KCNN1: variants seen among roughly 807,000 people sequenced by gnomAD.
The protein encoded by KCNN1 is potassium calcium-activated channel subfamily N member 1, also known as small conductance calcium-activated potassium channel protein 1.
Under a neutral mutation model 44.7 loss-of-function variants are expected in KCNN1, and 20 were observed. The ratio of observed to expected loss-of-function variants is 0.45; its 90% CI spans 0.32 to 0.65. The LOEUF (loss-of-function observed/expected upper bound fraction) is 0.65. Ranked by LOEUF, KCNN1 falls within the 30% of genes least tolerant of loss-of-function variation. KCNN1 has a pLI of 0.05. For synonymous variants in KCNN1, 324 were observed against 341.7 expected (o/e 0.95, Z 0.57); for missense variants, 632 against 785.3 (o/e 0.80, Z 2.33).
chr19:17,989,069 A>C (rs527319233), intron 6 of KCNN1, among the ~76,000 whole-genome samples: 4 of 152,134 alleles, frequency 2.6e-5, no homozygotes, highest in Admixed American at 6.6e-5. Flanking sequence ...GCAATTTGAG[A>C]GCTGCCTGAC....
chr19:17,974,240 A>G lies in KCNN1; in HGVS notation c.352A>G (p.Ile118Val). The part of the protein sequence containing the change: ...DYALIFGMFG[I>V]VVMVTETELS... ...TGCCCTCATTTTCGGCATGTTTGGC[A>G]TCGTCGTCATGGTGACGGAGACCGA... Residue 118 changes from isoleucine to valine, a missense_variant, in exon 2 of 10, where the codon ATC (isoleucine) becomes GTC (valine). Physicochemically the swap from Ile to Val is conservative, Grantham distance 29 (BLOSUM62 3). Transcript: ENST00000684775. The surrounding 1 kb of genome is among the most constrained non-coding windows in gnomAD (Gnocchi z 7.3). 2 of 1,608,758 alleles carry G rather than the reference A, an allele frequency of 1.2e-6. No homozygotes were observed. Among genetic ancestry groups the G allele is most frequent in the Non-Finnish European group, 1.7e-6 (2 of 1,176,546 alleles).
intron 2 of KCNN1, among the ~76,000 whole-genome samples, chr19:17,956,651 T>A (rs1414178942): frequency 6.6e-6 from 1 of 151,260 alleles, no homozygotes; most frequent in Non-Finnish European, 1.5e-5. Flanking sequence ...GAGGCTGAGA[T>A]GGGGGGATCA....
At chr19:17,975,328 C>T (rs1387831166) in intron 3 of KCNN1, 141 bp downstream of exon 3, 6 of 599,540 alleles carry the variant, frequency 1.0e-5, no homozygotes, top group African/African-American at 7.4e-5. Context: ...TCCATAAAGA[C>T]ACACAGTTTC....
Position 17,983,804 on chromosome 19 carries a change from C to A in KCNN1, c.918-1508C>A, listed in dbSNP as rs1004726374. 2.0e-5 allele frequency among the ~76,000 whole-genome samples: 3 copies of A among 152,030 alleles called. No homozygotes were observed. The highest frequency in any genetic ancestry group is 7.2e-5 in the African/African-American group (3 of 41,418). ...CCACCCACCGACTAGAGGGCACCCC[C>A]CCGCCCCTCCTGCCCTCTGGGGGTC... On this transcript the variant is annotated intron_variant, in intron 4 of 9. Transcript: ENST00000684775. The surrounding 1 kb of genome is among the most constrained non-coding windows in gnomAD (Gnocchi z 4.5).
Position 17,993,610 on chromosome 19 carries a change from G to A in KCNN1, c.1377+51G>A. The A allele has an allele frequency of 1.4e-6, 2 of 1,468,556 alleles. No homozygotes were observed. Among genetic ancestry groups the A allele is most frequent in the Non-Finnish European group, 1.9e-6 (2 of 1,048,426 alleles). The allele number at this position is 1,468,556 out of a possible 1,614,324, so 91.0% of individuals were successfully genotyped here. A position where few individuals can be genotyped will look rare whatever the true frequency, so the allele number is the denominator to read the frequency against. On this transcript the variant is annotated intron_variant, in intron 9 of 9. Transcript: ENST00000684775. The surrounding 1 kb of genome is among the most constrained non-coding windows in gnomAD (Gnocchi z 4.5). ...CAGACAGGGCAGGTGGGGCCCCGGA[G>A]CAGATGGGATGGGGCTCAGCTCCTG... is the stretch of plus-strand genomic sequence containing the variant.
intron 4 of KCNN1, 60 bp downstream of exon 4, chr19:17,982,187 T>A: frequency 8.0e-7 from 1 of 1,253,332 alleles, no homozygotes; most frequent in Non-Finnish European, 1.0e-6. Context: ...TGGACCTCCA[T>A]GCCCATTCAT....
rs752109698 is a variant in KCNN1 at position 17,985,465 on chromosome 19, G to C, written c.1059+12G>C. On this transcript the variant is annotated intron_variant, in intron 5 of 9. Transcript: ENST00000684775. Reference sequence around the variant, plus strand: ...TCACTGGCATCATGGTAAGGGTGAGGGTCCATGTGTATGATCCTGGGAGGT... The same window carrying C: ...TCACTGGCATCATGGTAAGGGTGAGCGTCCATGTGTATGATCCTGGGAGGT... 84 of 1,563,870 alleles carry C rather than the reference G, an allele frequency of 5.4e-5. No individual in the cohort carries two copies. The South Asian group carries it at 9.6e-4, about 18-fold the overall frequency.
chr19:17,963,000 CTTTTTTTTTTTT>C (rs71164332), upstream of KCNN1, among the ~76,000 whole-genome samples: 1 of 81,650 alleles, frequency 1.2e-5, no homozygotes, highest in Non-Finnish European at 2.2e-5. Context: ...CACGCCCAGG[CTTTTTTTTTTTT>C]TTTTTTTTTT....
intron 7 of KCNN1, among the ~76,000 whole-genome samples, chr19:17,990,265 G>C (rs756349789): frequency 1.4e-5 from 2 of 147,170 alleles, no homozygotes; most frequent in Non-Finnish European, 3.0e-5. Context: ...CAGGAAGATC[G>C]CTTGAGTCCA....
chr19:17,989,758 A>C lies in KCNN1; in HGVS notation c.1213A>C (p.Ile405Leu). 1.9e-6 allele frequency: 3 copies of C among 1,613,932 alleles called. No homozygotes were observed. Among genetic ancestry groups the C allele is most frequent in the Non-Finnish European group, 2.5e-6 (3 of 1,179,876 alleles). ...TAACGTTCTCAGGGAGACGTGGCTC[A>C]TCTACAAACATACCAGGCTGGTGAA... ...AANVLRETWL[I>L]YKHTRLVKKP... Residue 405 changes from isoleucine (I) to leucine (L), a missense_variant, in exon 7 of 10, where the codon ATC (isoleucine) becomes CTC (leucine). By Grantham distance (5) the Ile-to-Leu change is conservative. Transcript: ENST00000684775.
At chr19:17,964,809 C>A (rs148520798), upstream of KCNN1, among the ~76,000 whole-genome samples, 6 of 152,096 alleles carry the variant, frequency 3.9e-5, no homozygotes, top group Non-Finnish European at 5.9e-5. The surrounding 1 kb of genome is among the most constrained non-coding windows in gnomAD (Gnocchi z 4.3). Context: ...GGGCAGTCCC[C>A]GATCCCTCAG....
chr19:17,995,543 GT>G (rs892373645), intron 9 of KCNN1, among the ~76,000 whole-genome samples: 1 of 151,970 alleles, frequency 6.6e-6, no homozygotes, highest in Admixed American at 6.6e-5. Flanking sequence ...GAACATGGGG[GT>G]TATGGGGTGC....
At chr19:17,965,297 A>C (rs76753343), upstream of KCNN1, among the ~76,000 whole-genome samples, 5,108 of 151,046 alleles carry the variant, frequency 0.034, 319 homozygotes, top group African/African-American at 0.12. Context: ...GAAAGAAAAA[A>C]GCATCTGATG....
intron 1 of KCNN1, among the ~76,000 whole-genome samples, chr19:17,952,529 C>T (rs2031438758): frequency 6.6e-6 from 1 of 152,194 alleles, no homozygotes; most frequent in Admixed American, 6.5e-5. Flanking sequence ...GACCCCACCC[C>T]CATGCCCTGT....
intron 5 of KCNN1, among the ~76,000 whole-genome samples, chr19:17,987,840 A>G (rs1418031066): frequency 6.7e-6 from 1 of 149,852 alleles, no homozygotes; most frequent in Non-Finnish European, 1.5e-5. Context: ...CGCTACCAAA[A>G]AAAAAAAAAA....
upstream of KCNN1, among the ~76,000 whole-genome samples, chr19:17,966,965 G>A (rs1335974064): frequency 6.6e-6 from 1 of 151,810 alleles, no homozygotes; most frequent in Non-Finnish European, 1.5e-5. Flanking sequence ...CGCATGCCGG[G>A]GGGTTGCAGG....
upstream of KCNN1, chr19:17,967,021 G>T (rs1239537793): frequency 5.6e-6 from 3 of 534,708 alleles, no homozygotes; most frequent in Admixed American, 1.3e-4. Context: ...GGGGCTTGCG[G>T]GGTCGTCGAA....
chr19:17,974,367 G>A lies in KCNN1; in HGVS notation c.402+77G>A, dbSNP rs1568451262. ...TAGCTTTCTTGACATGGGGTTGGGGGTGGCAGGGCCCCCCGGGAGATAGGG... is the reference window on the plus strand; with the variant it reads ...TAGCTTTCTTGACATGGGGTTGGGGATGGCAGGGCCCCCCGGGAGATAGGG... On this transcript the variant is annotated intron_variant, in intron 2 of 9. Transcript: ENST00000684775. The surrounding 1 kb of genome is among the most constrained non-coding windows in gnomAD (Gnocchi z 7.3). The A allele has an allele frequency of 4.1e-6, 6 of 1,459,860 alleles. No individual in the cohort carries two copies. The highest frequency in any genetic ancestry group is 2.8e-5 in the South Asian group (2 of 71,300). 90.4% of individuals were successfully genotyped at this position (1,459,860 alleles called of 1,614,324 possible).
upstream of KCNN1, among the ~76,000 whole-genome samples, chr19:17,963,360 T>G (rs553386358): frequency 1.3e-5 from 2 of 151,156 alleles, no homozygotes; most frequent in East Asian, 3.9e-4. Flanking sequence ...TCGCCCAGGC[T>G]GTAGTGCAGT....
Sources: allele counts gnomAD v4.1 joint callset (sites outside exome capture counted in the v4.1 genomes callset), GRCh38; gene constraint gnomAD v4.1.1; non-coding constraint Gnocchi (gnomAD v3.1); transcripts MANE v1.5; gene names NCBI Gene and HGNC (gene_info 2026-07-23, HGNC 2026-07-21).